The following NAALADL2 variants were observed in gnomAD, a reference collection of about 807,000 sequenced individuals.
NAALADL2 encodes inactive N-acetylated-alpha-linked acidic dipeptidase-like protein 2.
NAALADL2 carries 76 observed loss-of-function variants against 87.2 expected under a neutral mutation model. That is an observed-to-expected ratio of 0.87 (90% CI 0.72 to 1.05). The LOEUF (loss-of-function observed/expected upper bound fraction) is 1.05. Among genes scored for constraint, NAALADL2 ranks in the 50% least tolerant of loss-of-function variants. NAALADL2 has a pLI of 0.00. For synonymous variants in NAALADL2, 354 were observed against 331.0 expected (o/e 1.07, Z -0.75); for missense variants, 1,089 against 945.8 (o/e 1.15, Z -1.99).
chr3:174,738,020 G>A (rs1364843233), intron 3 of NAALADL2, among the ~76,000 whole-genome samples: 2 of 152,056 alleles, frequency 1.3e-5, no homozygotes, highest in African/African-American at 4.8e-5. Flanking sequence ...GTCTTGGTGT[G>A]TATCAATTCT....
intron 3 of NAALADL2, among the ~76,000 whole-genome samples, chr3:174,763,213 A>T (rs1369078726): frequency 2.6e-5 from 4 of 152,168 alleles, no homozygotes; most frequent in Non-Finnish European, 5.9e-5. Context: ...GAAATTTCCA[A>T]TCCTGTTCAG....
chr3:175,332,616 T>G lies in NAALADL2; in HGVS notation c.1090+8291T>G, dbSNP rs1761530285. Among the ~76,000 whole-genome samples the G allele has an allele frequency of 1.3e-5, 2 of 152,220 alleles. 1 individual carries two copies. Among genetic ancestry groups the G allele is most frequent in the South Asian group, 4.1e-4 (2 of 4,828 alleles). On this transcript the variant is annotated intron_variant, in intron 5 of 13. Coordinates refer to ENST00000454872, the MANE Select transcript of NAALADL2 (RefSeq NM_207015.3). ...ACACCTGGCTGTGATTTTGATTTTTTTCTAAATTTGTTGAGACGTGTGTTG... is the reference window on the plus strand; with the variant it reads ...ACACCTGGCTGTGATTTTGATTTTTGTCTAAATTTGTTGAGACGTGTGTTG...
At chr3:175,396,954 A>G (rs1308650043) in intron 5 of NAALADL2, among the ~76,000 whole-genome samples, 2 of 152,096 alleles carry the variant, frequency 1.3e-5, no homozygotes, top group African/African-American at 4.8e-5. Flanking sequence ...TAAATTACCC[A>G]GTCTTGGATG....
intron 5 of NAALADL2, among the ~76,000 whole-genome samples, chr3:175,446,965 G>T (rs1720812344): frequency 1.3e-5 from 2 of 152,054 alleles, no homozygotes; most frequent in South Asian, 2.1e-4. Flanking sequence ...CATTTTAGTG[G>T]AGTTTTATGG....
chr3:174,718,145 A>G (rs777421929), intron 2 of NAALADL2, among the ~76,000 whole-genome samples: 4 of 152,146 alleles, frequency 2.6e-5, no homozygotes, highest in Admixed American at 1.3e-4. Flanking sequence ...AAAATGAAAC[A>G]AAAAGGAAAT....
intron 5 of NAALADL2, among the ~76,000 whole-genome samples, chr3:175,342,227 T>C (rs1490550475): frequency 2.0e-5 from 3 of 152,110 alleles, no homozygotes; most frequent in Non-Finnish European, 4.4e-5. Flanking sequence ...AAAAAATATA[T>C]ATGAAGTCTA....
At position 174,622,435 on chromosome 3, in the gene NAALADL2, G is replaced by A. The variant is rs185339419; in HGVS notation, c.-115+71798G>A. The stretch of plus-strand genomic sequence containing the variant: ...AAGAACATTATGTTTAGATTGTAAG[G>A]TATCATTTAGCATTTACAGTTGACC... On this transcript the variant is annotated intron_variant, in intron 2 of 3. Coordinates refer to the NAALADL2 transcript ENST00000434257. Among the ~76,000 whole-genome samples the A allele has an allele frequency of 1.1e-4, 17 of 152,212 alleles. No homozygotes were observed. The East Asian group carries it at 3.3e-3, about 29-fold the overall frequency.
At chr3:174,811,337 CTG>C (rs373872337) in intron 3 of NAALADL2, among the ~76,000 whole-genome samples, 34 of 152,292 alleles carry the variant, frequency 2.2e-4, no homozygotes, top group African/African-American at 7.7e-4. Context: ...TTAGGAGCAA[CTG>C]TAGTGGCTGC....
chr3:175,201,902 G>A lies in NAALADL2; in HGVS notation c.546-32029G>A, dbSNP rs75331597. Among the ~76,000 whole-genome samples the A allele has an allele frequency of 4.1e-3, 621 of 151,932 alleles. 5 individuals carry two copies. The highest frequency in any genetic ancestry group is 0.015 in the African/African-American group (611 of 41,434). The stretch of plus-strand genomic sequence containing the variant: ...GATTAATAGAAATACCTATTAATCT[G>A]TTCTTTCTAAGAAAGAATACACTTG... On this transcript the variant is annotated intron_variant, in intron 2 of 13. Transcript: ENST00000454872.
intron 1 of NAALADL2, among the ~76,000 whole-genome samples, chr3:175,011,288 G>C (rs867394364): frequency 7.1e-6 from 1 of 141,698 alleles, no homozygotes; most frequent in African/African-American, 2.8e-5. Context: ...GACAGAGAGA[G>C]AGAGAGAGAG....
chr3:175,270,005 A>G (rs1319640517), intron 4 of NAALADL2, among the ~76,000 whole-genome samples: 1 of 152,206 alleles, frequency 6.6e-6, no homozygotes, highest in Non-Finnish European at 1.5e-5. Flanking sequence ...TTATCATACT[A>G]TATTTTTCAT....
At chr3:174,771,026 C>T (rs969561871) in intron 3 of NAALADL2, among the ~76,000 whole-genome samples, 6 of 151,988 alleles carry the variant, frequency 3.9e-5, no homozygotes, top group African/African-American at 1.5e-4. Context: ...GAGCTTTGTC[C>T]AAACTAGAAT....
intron 5 of NAALADL2, among the ~76,000 whole-genome samples, chr3:175,402,208 T>C (rs1409109729): frequency 6.6e-6 from 1 of 152,130 alleles, no homozygotes; most frequent in African/African-American, 2.4e-5. Context: ...AATTGTAATT[T>C]ACACATTCAA....
chr3:175,343,121 A>G (rs996503818), intron 5 of NAALADL2, among the ~76,000 whole-genome samples: 2 of 152,096 alleles, frequency 1.3e-5, no homozygotes, highest in Non-Finnish European at 2.9e-5. Flanking sequence ...TCAAAGCAGT[A>G]TATGCTTTGG....
At position 175,399,967 on chromosome 3, in the gene NAALADL2, T is replaced by C. The variant is rs192812459; in HGVS notation, c.1091-47262T>C. Among the ~76,000 whole-genome samples, 1,228 of 152,232 alleles carry C rather than the reference T, an allele frequency of 8.1e-3. 14 individuals are homozygous for C. Among genetic ancestry groups the C allele is most frequent in the Admixed American group, 0.035 (542 of 15,270 alleles). On this transcript the variant is annotated intron_variant, in intron 5 of 13. Transcript: ENST00000454872. Reference sequence around the variant, plus strand: ...CATTTTATGTAATGAATCTCTGAAGTGAAGATATTAATTGATATGTTCCAG... The same window carrying C: ...CATTTTATGTAATGAATCTCTGAAGCGAAGATATTAATTGATATGTTCCAG...
chr3:175,514,772 C>A (rs998237434), intron 9 of NAALADL2, among the ~76,000 whole-genome samples: 1 of 152,066 alleles, frequency 6.6e-6, no homozygotes, highest in Non-Finnish European at 1.5e-5. Flanking sequence ...GAAGGAAAAC[C>A]AGATATAAAT....
At position 175,547,305 on chromosome 3, in the gene NAALADL2, A is replaced by G. The variant is rs530745193; in HGVS notation, c.1654-28736A>G. The stretch of plus-strand genomic sequence containing the variant: ...ATCTTCTACAAACCTGATAAAAACA[A>G]GCAATGGGGAAAGGACTCCCTGTTC... On this transcript the variant is annotated intron_variant, in intron 9 of 13. Coordinates refer to ENST00000454872, the MANE Select transcript of NAALADL2 (RefSeq NM_207015.3). 4.6e-5 allele frequency among the ~76,000 whole-genome samples: 7 copies of G among 152,280 alleles called. No homozygotes were observed. The East Asian group carries it at 1.4e-3, about 29-fold the overall frequency.
chr3:174,766,476 T>G (rs1173742543), intron 3 of NAALADL2, among the ~76,000 whole-genome samples: 1 of 152,212 alleles, frequency 6.6e-6, no homozygotes. Context: ...GTGTCTGCTG[T>G]GCACATTATG....
intron 1 of NAALADL2, chr3:174,863,975 C>A: frequency 4.5e-6 from 2 of 443,228 alleles, no homozygotes; most frequent in South Asian, 3.2e-5. Flanking sequence ...GGTAACAGGA[C>A]ATCTTGGAGT....
Sources: allele counts gnomAD v4.1 joint callset (sites outside exome capture counted in the v4.1 genomes callset), GRCh38; gene constraint gnomAD v4.1.1; transcripts MANE v1.5; gene names NCBI Gene and HGNC (gene_info 2026-07-23, HGNC 2026-07-21).